Variants in TRPM3 observed in about 807,000 individuals in gnomAD.
TRPM3 encodes transient receptor potential cation channel subfamily M member 3.
TRPM3 carries 77 observed loss-of-function variants against 181.2 expected under a neutral mutation model. That is an observed-to-expected ratio of 0.42 (90% CI 0.35 to 0.51). The LOEUF (loss-of-function observed/expected upper bound fraction) is 0.51. TRPM3 is among the 20% of genes least tolerant of loss of function. The pLI is 0.01. For missense variants in TRPM3, 1,759 were observed against 2,196.7 expected, an observed-to-expected ratio of 0.80 and a Z score of 3.98; for synonymous variants, 745 against 796.4, an observed-to-expected ratio of 0.94 and a Z score of 1.09.
intron 1 of TRPM3, among the ~76,000 whole-genome samples, chr9:71,308,650 T>C (rs919519606): frequency 6.6e-6 from 1 of 152,066 alleles, no homozygotes; most frequent in African/African-American, 2.4e-5. Context: ...GCAAACAAAG[T>C]AATGGGGGTT....
At chr9:71,400,273 T>C (rs1039892063) in intron 1 of TRPM3, among the ~76,000 whole-genome samples, 2 of 152,164 alleles carry the variant, frequency 1.3e-5, no homozygotes, top group Admixed American at 1.3e-4. Context: ...TTGGGAAGAT[T>C]TTCTGATCCT....
intron 1 of TRPM3, among the ~76,000 whole-genome samples, chr9:71,291,291 A>G (rs760409742): frequency 1.3e-5 from 2 of 152,164 alleles, no homozygotes; most frequent in Non-Finnish European, 2.9e-5. Context: ...CTGAGCCAGC[A>G]TAACAAGGAA....
chr9:70,845,121 T>G (rs1397783901), intron 4 of TRPM3, among the ~76,000 whole-genome samples: 2 of 152,152 alleles, frequency 1.3e-5, no homozygotes, highest in South Asian at 2.1e-4. Context: ...TGAAATATCT[T>G]TACGTAGCTG....
chr9:71,211,669 C>T (rs186182653), intron 1 of TRPM3, among the ~76,000 whole-genome samples: 31 of 152,264 alleles, frequency 2.0e-4, no homozygotes, highest in African/African-American at 7.0e-4. Context: ...CCTTGGCTTG[C>T]AGAAGTATCG....
At chr9:71,331,828 AGAGGAGAGG>A in intron 1 of TRPM3, among the ~76,000 whole-genome samples, 2 of 108,628 alleles carry the variant, frequency 1.8e-5, no homozygotes, top group African/African-American at 7.0e-5. Flanking sequence ...AGGAGAAGGA[AGAGGAGAGG>A]GAGGAGGAGG....
At chr9:71,132,246 G>A (rs973420295) in intron 1 of TRPM3, among the ~76,000 whole-genome samples, 2 of 152,164 alleles carry the variant, frequency 1.3e-5, no homozygotes, top group African/African-American at 4.8e-5. Context: ...ACTTCCCCAA[G>A]ATCTGAGTCT....
At chr9:71,281,658 CTGGATTCCTAA>C (rs1258691842) in intron 1 of TRPM3, among the ~76,000 whole-genome samples, 5 of 152,172 alleles carry the variant, frequency 3.3e-5, no homozygotes, top group Non-Finnish European at 5.9e-5. Flanking sequence ...TTAGAATTTG[CTGGATTCCTAA>C]GCAATCATAT....
At chr9:71,440,070 C>G (rs1352644445) in intron 1 of TRPM3, among the ~76,000 whole-genome samples, 4 of 152,062 alleles carry the variant, frequency 2.6e-5, no homozygotes, top group African/African-American at 9.7e-5. Context: ...TTGCAGTGAG[C>G]CGAGATTGAG....
At chr9:71,019,722 CT>C (rs752002754) in intron 1 of TRPM3, among the ~76,000 whole-genome samples, 33 of 152,176 alleles carry the variant, frequency 2.2e-4, no homozygotes, top group Admixed American at 4.6e-4. Context: ...AATTGGCAAT[CT>C]GATTCTAGAA....
At chr9:70,667,532 C>A (rs2062014766) in intron 9 of TRPM3, among the ~76,000 whole-genome samples, 1 of 152,090 alleles carries the variant, frequency 6.6e-6, no homozygotes, top group Non-Finnish European at 1.5e-5. Flanking sequence ...TCCCCTAGAC[C>A]AGAAAATCTG....
intron 1 of TRPM3, among the ~76,000 whole-genome samples, chr9:71,142,704 A>C (rs1565271012): frequency 1.3e-5 from 2 of 152,102 alleles, no homozygotes; most frequent in Non-Finnish European, 2.9e-5. Context: ...TATATTTAAA[A>C]AATTTGCATG....
intron 1 of TRPM3, among the ~76,000 whole-genome samples, chr9:71,193,374 T>A (rs181982287): frequency 2.7e-3 from 416 of 151,998 alleles, no homozygotes; most frequent in Non-Finnish European, 3.6e-3. Flanking sequence ...CCTCTTTTCA[T>A]AATTCTCATG....
intron 19 of TRPM3, among the ~76,000 whole-genome samples, chr9:70,604,412 G>T (rs1336209924): frequency 6.6e-6 from 1 of 152,234 alleles, no homozygotes; most frequent in East Asian, 1.9e-4. Context: ...GTCAAGTGAG[G>T]TACTCACTGG....
In TRPM3 at chr9:70,536,286, A is replaced by T; in HGVS notation, c.4827T>A (p.Ser1609Arg). Reference protein sequence around the residue: ...EAELSHPSSDSEENEAKGRRA... With the variant: ...EAELSHPSSDREENEAKGRRA... ...TGCGGCCTTTGGCCTCATTCTCCTC[A>T]CTGTCAGAGCTGGGGTGACTCAGTT... The change falls in exon 26 of 26, where the codon AGT (serine) becomes AGA (arginine). Residue 1609 changes from serine (S) to arginine (R), a missense_variant. Physicochemically the swap from Ser to Arg is moderately radical, Grantham distance 110. Coordinates refer to ENST00000677713, the MANE Select transcript of TRPM3 (RefSeq NM_001366145.2). 6.2e-7 allele frequency: 1 copy of T among 1,614,040 alleles called. No individual in the cohort carries two copies. The highest frequency in any genetic ancestry group is 2.2e-5 in the East Asian group (1 of 44,866).
At chr9:71,138,211 T>C (rs2074886579) in intron 1 of TRPM3, among the ~76,000 whole-genome samples, 1 of 152,120 alleles carries the variant, frequency 6.6e-6, no homozygotes, top group African/African-American at 2.4e-5. Flanking sequence ...ACAATAATAC[T>C]TGCTTTCTCA....
chr9:71,192,831 A>C (rs967799173), intron 1 of TRPM3, among the ~76,000 whole-genome samples: 3 of 151,810 alleles, frequency 2.0e-5, no homozygotes, highest in Non-Finnish European at 4.4e-5. Context: ...AATCATTGCC[A>C]AGACCAGTGC....
At chr9:71,200,974 G>T (rs1191349163) in intron 1 of TRPM3, among the ~76,000 whole-genome samples, 1 of 151,530 alleles carries the variant, frequency 6.6e-6, no homozygotes, top group African/African-American at 2.4e-5. Flanking sequence ...AGCCTCGATG[G>T]TCTTTACAAT....
upstream of TRPM3, among the ~76,000 whole-genome samples, chr9:71,126,337 G>A (rs929538195): frequency 3.3e-5 from 5 of 152,152 alleles, no homozygotes; most frequent in South Asian, 2.1e-4. Context: ...CTCAAAGACC[G>A]AGAACCACTA....
intron 25 of TRPM3, among the ~76,000 whole-genome samples, chr9:70,543,324 C>G (rs2043978455): frequency 2.6e-5 from 4 of 152,180 alleles, no homozygotes; most frequent in Admixed American, 2.6e-4. Context: ...TCCTCTCAAT[C>G]ATTTATCCTT....
Sources: allele counts gnomAD v4.1 joint callset (sites outside exome capture counted in the v4.1 genomes callset), GRCh38; gene constraint gnomAD v4.1.1; transcripts MANE v1.5; gene names NCBI Gene and HGNC (gene_info 2026-07-23, HGNC 2026-07-21).